Variants in ABHD12 observed in about 807,000 individuals in gnomAD.
ABHD12 encodes lysophosphatidylserine lipase ABHD12.
A neutral mutation model predicts 58.3 loss-of-function variants in ABHD12; 43 were observed. That is an observed-to-expected ratio of 0.74 (90% confidence interval 0.58 to 0.95). The LOEUF is 0.95. Ranked by LOEUF, ABHD12 falls within the 40% of genes least tolerant of loss-of-function variation. The pLI, the probability that ABHD12 is intolerant of heterozygous loss-of-function variation, is 0.00. For synonymous variants in ABHD12, 219 were observed against 211.2 expected, an observed-to-expected ratio of 1.04 and a Z score of -0.32; for missense variants, 539 against 537.2, an observed-to-expected ratio of 1.00 and a Z score of -0.03.
At chr20:25,338,592 A>G (rs1329706536) in intron 2 of ABHD12, among the ~76,000 whole-genome samples, 1 of 152,202 alleles carries the variant, frequency 6.6e-6, no homozygotes, top group African/African-American at 2.4e-5. Flanking sequence ...AAGTAAATAC[A>G]CAGCGTGAAA....
rs757031407 is a variant in ABHD12, at chr20:25,306,821, C to T, written c.950+12G>A. On this transcript the variant is annotated intron_variant, in intron 10 of 12. Coordinates refer to ENST00000339157, the MANE Select transcript of ABHD12 (RefSeq NM_001042472.3). ...TAAATAGGAAAATTAGTTCCTGTCCCATAATACTCACTTTTCATCATTTGC... is the reference window on the plus strand; with the variant it reads ...TAAATAGGAAAATTAGTTCCTGTCCTATAATACTCACTTTTCATCATTTGC... 5 of 1,585,498 alleles carry T rather than the reference C, an allele frequency of 3.2e-6. No homozygotes were observed. In the African/African-American group the frequency reaches 6.7e-5, roughly 21 times the overall value.
At chr20:25,378,789 T>C (rs2089989335) in intron 1 of ABHD12, among the ~76,000 whole-genome samples, 1 of 151,960 alleles carries the variant, frequency 6.6e-6, no homozygotes, top group Non-Finnish European at 1.5e-5. Context: ...GGTATGCGTG[T>C]ATTCCCTCAC....
At chr20:25,379,682 T>C (rs894649096) in intron 1 of ABHD12, among the ~76,000 whole-genome samples, 3 of 152,188 alleles carry the variant, frequency 2.0e-5, no homozygotes, top group Non-Finnish European at 4.4e-5. Context: ...TAATTATCAA[T>C]ATAATAGGCT....
At chr20:25,350,751 C>A (rs1310821951) in intron 1 of ABHD12, among the ~76,000 whole-genome samples, 1 of 152,188 alleles carries the variant, frequency 6.6e-6, no homozygotes, top group African/African-American at 2.4e-5. Flanking sequence ...CCCAGAGAAA[C>A]CTGTTAACAG....
chr20:25,295,736 G>A, downstream of ABHD12: 1 of 1,494,814 alleles, frequency 6.7e-7, no homozygotes, highest in Non-Finnish European at 9.3e-7. Flanking sequence ...TGTTGGGTCA[G>A]ATTGTTTATT....
At chr20:25,338,014 T>A (rs1023994278) in intron 2 of ABHD12, among the ~76,000 whole-genome samples, 4 of 152,158 alleles carry the variant, frequency 2.6e-5, no homozygotes, top group African/African-American at 4.8e-5. Flanking sequence ...AAGTATTAAA[T>A]AGCCTTATAA....
At chr20:25,358,722 G>A (rs984397427) in intron 1 of ABHD12, among the ~76,000 whole-genome samples, 10 of 152,144 alleles carry the variant, frequency 6.6e-5, no homozygotes, top group African/African-American at 2.4e-4. Flanking sequence ...CCGGGCACAC[G>A]TGAACTTGGA....
At chr20:25,375,093 A>G (rs1304134060) in intron 1 of ABHD12, among the ~76,000 whole-genome samples, 2 of 152,202 alleles carry the variant, frequency 1.3e-5, no homozygotes, top group Non-Finnish European at 2.9e-5. Context: ...AGAAATGCAG[A>G]AAGAGCCACA....
chr20:25,335,318 A>G (rs1457221310), intron 2 of ABHD12, among the ~76,000 whole-genome samples: 1 of 150,296 alleles, frequency 6.7e-6, no homozygotes, highest in East Asian at 2.0e-4. Context: ...CAGGTGCTGG[A>G]GAGGATGTGG....
At chr20:25,369,729 A>C (rs2089873682) in intron 1 of ABHD12, among the ~76,000 whole-genome samples, 1 of 152,192 alleles carries the variant, frequency 6.6e-6, no homozygotes, top group Non-Finnish European at 1.5e-5. Flanking sequence ...ACATTAAGTA[A>C]GCTATTTTAT....
intron 1 of ABHD12, among the ~76,000 whole-genome samples, chr20:25,378,770 C>A (rs901672402): frequency 6.6e-6 from 1 of 151,582 alleles, no homozygotes; most frequent in African/African-American, 2.4e-5. Flanking sequence ...TAAGTTTCAG[C>A]ACCCCTGAGG....
chr20:25,342,565 T>C (rs777846355), intron 1 of ABHD12, among the ~76,000 whole-genome samples: 2 of 152,106 alleles, frequency 1.3e-5, no homozygotes, highest in Non-Finnish European at 2.9e-5. Context: ...CTTTGTATCT[T>C]TGGGTCAGTA....
intron 1 of ABHD12, among the ~76,000 whole-genome samples, chr20:25,339,971 C>T (rs1420988646): frequency 6.6e-6 from 1 of 152,208 alleles, no homozygotes; most frequent in Non-Finnish European, 1.5e-5. Context: ...GTCTCATGAC[C>T]CTCTTCTAAT....
intron 1 of ABHD12, among the ~76,000 whole-genome samples, chr20:25,369,186 C>T (rs900584714): frequency 3.3e-5 from 5 of 151,976 alleles, no homozygotes; most frequent in Non-Finnish European, 5.9e-5. Context: ...TTTTGATTTC[C>T]ATTTCCCCAA....
At chr20:25,326,083 G>C (rs928068698) in intron 2 of ABHD12, among the ~76,000 whole-genome samples, 1 of 106,442 alleles carries the variant, frequency 9.4e-6, no homozygotes, top group Non-Finnish European at 1.9e-5. Flanking sequence ...AAAAAAAAAA[G>C]AAAAGAAAAA....
chr20:25,388,038 C>CA (rs748581834), intron 1 of ABHD12, among the ~76,000 whole-genome samples: 10,808 of 57,486 alleles, frequency 0.19, 922 homozygotes, highest in African/African-American at 0.27. Context: ...GACTCCTTCT[C>CA]AAAAAAAAAA....
At chr20:25,381,143 T>C (rs1445817673) in intron 1 of ABHD12, among the ~76,000 whole-genome samples, 1 of 152,176 alleles carries the variant, frequency 6.6e-6, no homozygotes, top group Non-Finnish European at 1.5e-5. Context: ...AGTGACATGA[T>C]GACACACACC....
chr20:25,337,307 C>G (rs2089388403), intron 2 of ABHD12, among the ~76,000 whole-genome samples: 1 of 152,204 alleles, frequency 6.6e-6, no homozygotes, highest in African/African-American at 2.4e-5. Flanking sequence ...ACTGTAGGCT[C>G]ACCTAACTCC....
chr20:25,315,256 CACTCG>C (rs1294761664), intron 5 of ABHD12, among the ~76,000 whole-genome samples: 1 of 152,044 alleles, frequency 6.6e-6, no homozygotes, highest in Non-Finnish European at 1.5e-5. Flanking sequence ...GCCGCAGCTC[CACTCG>C]TGCTGCAGGG....
Sources: gnomAD v4.1 joint callset for allele counts (sites outside exome capture counted in the v4.1 genomes callset) on GRCh38, gnomAD v4.1.1 for gene constraint, MANE v1.5 for transcripts, NCBI Gene and HGNC (gene_info 2026-07-23, HGNC 2026-07-21) for gene names.